SLC35F3: variants seen among roughly 807,000 people sequenced by gnomAD.
SLC35F3 encodes the protein putative thiamine transporter SLC35F3.
A neutral mutation model predicts 49.9 loss-of-function variants in SLC35F3; 25 were observed. That is an observed-to-expected ratio of 0.50 (90% CI 0.37 to 0.70). The LOEUF (loss-of-function observed/expected upper bound fraction) is 0.70. Among genes scored for constraint, SLC35F3 ranks in the 30% least tolerant of loss-of-function variants. The pLI, the probability that SLC35F3 is intolerant of heterozygous loss-of-function variation, is 0.00. For synonymous variants in SLC35F3, 275 were observed against 265.4 expected (o/e 1.04, Z -0.35); for missense variants, 525 against 639.8 (o/e 0.82, Z 1.94).
intron 2 of SLC35F3, among the ~76,000 whole-genome samples, chr1:234,035,302 A>G (rs193196766): frequency 5.3e-5 from 8 of 152,310 alleles, no homozygotes; most frequent in Non-Finnish European, 5.9e-5. Flanking sequence ...AGAGAATTTT[A>G]AAGTTCTTGC....
intron 3 of SLC35F3, among the ~76,000 whole-genome samples, chr1:234,275,464 T>C (rs1668189061): frequency 6.6e-6 from 1 of 152,178 alleles, no homozygotes; most frequent in Non-Finnish European, 1.5e-5. Context: ...ATGTCACCCC[T>C]AGTTAAGAGA....
intron 2 of SLC35F3, among the ~76,000 whole-genome samples, chr1:234,190,395 C>A (rs546478034): frequency 1.3e-5 from 2 of 152,082 alleles, no homozygotes; most frequent in Non-Finnish European, 1.5e-5. Flanking sequence ...TGTAAATGGA[C>A]ACCAAAAGTG....
chr1:234,319,706 T>TCAAAA (rs59381769), intron 6 of SLC35F3, among the ~76,000 whole-genome samples: 15,878 of 151,490 alleles, frequency 0.1, 990 homozygotes, highest in African/African-American at 0.16. Context: ...AGACTGTGCC[T>TCAAAA]CAAAACAAAA....
intron 2 of SLC35F3, among the ~76,000 whole-genome samples, chr1:234,139,006 G>T (rs1455399617): frequency 6.6e-6 from 1 of 152,158 alleles, no homozygotes; most frequent in Non-Finnish European, 1.5e-5. Flanking sequence ...AAAGAGTTTT[G>T]CAAAGCATTT....
intron 2 of SLC35F3, among the ~76,000 whole-genome samples, chr1:234,015,307 T>G (rs377366137): frequency 6.7e-6 from 1 of 149,886 alleles, no homozygotes; most frequent in East Asian, 2.0e-4. Flanking sequence ...GATATTGTAC[T>G]GCTGCACTCT....
intron 2 of SLC35F3, among the ~76,000 whole-genome samples, chr1:234,120,638 T>C (rs1665556221): frequency 6.6e-6 from 1 of 152,212 alleles, no homozygotes; most frequent in Non-Finnish European, 1.5e-5. Flanking sequence ...GGCTTGACAG[T>C]CGTTATCAGC....
intron 3 of SLC35F3, among the ~76,000 whole-genome samples, chr1:234,256,115 C>G (rs1667818371): frequency 6.6e-6 from 1 of 152,004 alleles, no homozygotes; most frequent in African/African-American, 2.4e-5. Context: ...AAAGTCTATT[C>G]ATAATTTTAA....
In SLC35F3 at chr1:234,189,146, G is replaced by C. The variant is rs564780394; in HGVS notation, c.284-42271G>C. On this transcript the variant is annotated intron_variant, in intron 2 of 7. Transcript: ENST00000366618. ...TAATTCTGGCAATATGACAAAACAA[G>C]GTTCTTTAACACCTCAAAAAAGAAA... 3.3e-5 allele frequency among the ~76,000 whole-genome samples: 5 copies of C among 151,782 alleles called. No homozygotes were observed. The South Asian group carries it at 6.3e-4, about 19-fold the overall frequency.
chr1:234,007,151 C>T (rs1374451839), intron 2 of SLC35F3, among the ~76,000 whole-genome samples: 1 of 151,898 alleles, frequency 6.6e-6, no homozygotes, highest in East Asian at 1.9e-4. Context: ...GTTTTCTGAT[C>T]CCTGTTCTAG....
chr1:233,930,198 T>C (rs1571984097), intron 2 of SLC35F3, among the ~76,000 whole-genome samples: 1 of 150,418 alleles, frequency 6.6e-6, no homozygotes, highest in Admixed American at 6.6e-5. Flanking sequence ...CTTTGAAAGG[T>C]TCTTGAGAGG....
Position 234,320,846 on chromosome 1 carries a change from G to A in SLC35F3, c.1237+659G>A, listed in dbSNP as rs146912989. On this transcript the variant is annotated intron_variant, in intron 7 of 7. Transcript: ENST00000366618. The surrounding 1 kb of genome is among the most constrained non-coding windows in gnomAD (Gnocchi z 4.8). Reference sequence around the variant, plus strand: ...CTCACTGCCTTCCTTTTCCTGGCTCGCACGGATAGGAATTTTGGATTTTCT... The same window carrying A: ...CTCACTGCCTTCCTTTTCCTGGCTCACACGGATAGGAATTTTGGATTTTCT... Among the ~76,000 whole-genome samples, 17 of 152,072 alleles carry A rather than the reference G, an allele frequency of 1.1e-4. No individual in the cohort carries two copies. In the East Asian group the frequency reaches 2.9e-3, roughly 26 times the overall value.
intron 2 of SLC35F3, among the ~76,000 whole-genome samples, chr1:234,091,851 G>T (rs1053579694): frequency 3.0e-4 from 46 of 152,276 alleles, no homozygotes; most frequent in African/African-American, 1.1e-3. Context: ...AGTTAAGTCT[G>T]CCTCACTTAG....
At chr1:234,125,043 A>T (rs1665627038) in intron 2 of SLC35F3, among the ~76,000 whole-genome samples, 1 of 152,176 alleles carries the variant, frequency 6.6e-6, no homozygotes, top group African/African-American at 2.4e-5. Context: ...ATTGTGTTTT[A>T]TAGCTTATTC....
At chr1:234,076,702 C>G (rs956475064) in intron 2 of SLC35F3, among the ~76,000 whole-genome samples, 3 of 152,108 alleles carry the variant, frequency 2.0e-5, no homozygotes, top group African/African-American at 7.2e-5. Flanking sequence ...CTCAGGTGAT[C>G]CACCAGCCTC....
At chr1:234,295,624 G>A (rs563095967) in intron 3 of SLC35F3, among the ~76,000 whole-genome samples, 2 of 152,336 alleles carry the variant, frequency 1.3e-5, no homozygotes, top group South Asian at 4.1e-4. Flanking sequence ...AATGTGGTGT[G>A]GGGGTACAAA....
At chr1:234,093,408 C>G (rs951316709) in intron 2 of SLC35F3, among the ~76,000 whole-genome samples, 6 of 152,228 alleles carry the variant, frequency 3.9e-5, no homozygotes, top group Admixed American at 3.9e-4. Context: ...ACCTAGTCCT[C>G]ACCGTATCTC....
intron 2 of SLC35F3, among the ~76,000 whole-genome samples, chr1:234,033,449 G>GT (rs1198094070): frequency 6.6e-6 from 1 of 152,120 alleles, no homozygotes; most frequent in South Asian, 2.1e-4. Context: ...GTCTAGAAGG[G>GT]TTTTTCCAAT....
intron 2 of SLC35F3, among the ~76,000 whole-genome samples, chr1:234,018,682 A>G (rs1663844593): frequency 1.3e-5 from 2 of 152,146 alleles, no homozygotes; most frequent in South Asian, 4.1e-4. Flanking sequence ...GTCTAGATCC[A>G]TTCTATTAAC....
At chr1:234,289,340 AGGC>A (rs1668471229) in intron 3 of SLC35F3, among the ~76,000 whole-genome samples, 1 of 152,234 alleles carries the variant, frequency 6.6e-6, no homozygotes, top group Non-Finnish European at 1.5e-5. Context: ...AAGGAATGGA[AGGC>A]GACAGGTGCC....
Sources: gnomAD v4.1 joint callset for allele counts (sites outside exome capture counted in the v4.1 genomes callset) on GRCh38, gnomAD v4.1.1 for gene constraint, Gnocchi (gnomAD v3.1) non-coding constraint, MANE v1.5 for transcripts, NCBI Gene and HGNC (gene_info 2026-07-23, HGNC 2026-07-21) for gene names.